SMG5: variants seen among roughly 807,000 people sequenced by gnomAD.
The protein encoded by SMG5 is nonsense-mediated mRNA decay factor SMG5.
SMG5 carries 53 observed loss-of-function variants against 122.9 expected under a neutral mutation model. That is an observed-to-expected ratio of 0.43 (90% CI 0.35 to 0.54). The LOEUF (loss-of-function observed/expected upper bound fraction) is 0.54. SMG5 is among the 20% of genes least tolerant of loss of function. The pLI, the probability that SMG5 is intolerant of heterozygous loss-of-function variation, is 0.01. For missense variants in SMG5, 1,153 were observed against 1,285.6 expected (o/e 0.90, Z 1.58); for synonymous variants, 477 against 490.2 (o/e 0.97, Z 0.35).
chr1:156,274,844 G>T (rs965953310), intron 4 of SMG5, among the ~76,000 whole-genome samples, 158 bp from the exon 5 acceptor site: 1 of 152,120 alleles, frequency 6.6e-6, no homozygotes, highest in African/African-American at 2.4e-5. Context: ...CACAGGGAGA[G>T]ACACAGAGGA....
Position 156,253,450 on chromosome 1 carries a change from T to C in SMG5, c.2501A>G (p.Gln834Arg), listed in dbSNP as rs746341684. 6.2e-7 allele frequency: 1 copy of C among 1,614,044 alleles called. No homozygotes were observed. Among genetic ancestry groups the C allele is most frequent in the Non-Finnish European group, 8.5e-7 (1 of 1,179,976 alleles). Residue 834 changes from glutamine (Q) to arginine (R), a missense_variant and splice_region_variant, in exon 17 of 22, where the codon CAG becomes CGG. Gln to Arg is a conservative substitution (Grantham distance 43, BLOSUM62 1). This residue lies in a region of SMG5 where 140 missense variants were observed against 227.8 expected (regional missense o/e 0.61). Coordinates refer to ENST00000361813, the MANE Select transcript of SMG5 (RefSeq NM_015327.3). ...AGCACTTGGGTCCTGATTTCCTACC[T>C]GAAGTCGTAGCTGAGCCATGTCTCT... ...LMRDMAQLRL[Q>R]LEVSQLEGSL...
At chr1:156,285,219 G>T (rs376637515), upstream of SMG5, 8 of 1,524,242 alleles carry the variant, frequency 5.2e-6, no homozygotes, top group Non-Finnish European at 6.1e-6. Context: ...CAGAACTGAG[G>T]CCCCAGGATG....
rs1306117760 is a variant in SMG5, at chr1:156,266,599, C to A, written c.1197G>T (p.Leu399=). 6.2e-7 allele frequency: 1 copy of A among 1,614,044 alleles called. No homozygotes were observed. The highest frequency in any genetic ancestry group is 8.5e-7 in the Non-Finnish European group (1 of 1,180,044). ...SHLVNHVNIR[L]QAELEEGENP... ...TCTCGCCCTCTTCCAGCTCAGCCTG[C>A]AGCCGTATGTTGACATGATTGACGA... The change falls in exon 11 of 22, where the codon CTG becomes CTT. Residue 399 remains leucine (L), a synonymous_variant. Coordinates refer to ENST00000361813, the MANE Select transcript of SMG5 (RefSeq NM_015327.3).
At chr1:156,281,759 C>T (rs972109802) in intron 1 of SMG5, among the ~76,000 whole-genome samples, 1 of 152,206 alleles carries the variant, frequency 6.6e-6, no homozygotes, top group African/African-American at 2.4e-5. Context: ...CCTATTTTGA[C>T]CCAGTTGCGG....
intron 20 of SMG5, 187 bp downstream of exon 20, chr1:156,251,216 C>T: frequency 1.1e-6 from 1 of 906,542 alleles, no homozygotes; most frequent in East Asian, 2.4e-5. Flanking sequence ...GCTGACCCAT[C>T]TGCAGAGGAA....
intron 17 of SMG5, 135 bp downstream of exon 17, chr1:156,253,314 G>C: frequency 1.0e-6 from 1 of 982,052 alleles, no homozygotes; most frequent in Non-Finnish European, 1.6e-6. Flanking sequence ...TAGTAAGGAG[G>C]GTCATCTGGG....
chr1:156,276,000 G>C (rs1662666838), intron 4 of SMG5, among the ~76,000 whole-genome samples: 1 of 151,362 alleles, frequency 6.6e-6, no homozygotes, highest in Admixed American at 6.6e-5. Context: ...TTGTAGAGAT[G>C]ATGTAGGATC....
intron 10 of SMG5, 57 bp downstream of exon 10, chr1:156,267,413 G>C: frequency 6.5e-7 from 1 of 1,534,426 alleles, no homozygotes; most frequent in Non-Finnish European, 9.0e-7. Context: ...TGCAGAAAAG[G>C]GGAGTGAGGA....
chr1:156,266,743 C>A, intron 10 of SMG5, 65 bp from the exon 11 acceptor site: 1 of 1,560,434 alleles, frequency 6.4e-7, no homozygotes, highest in South Asian at 1.1e-5. Context: ...ACCATCAATT[C>A]CAACCACATC....
At position 156,265,979 on chromosome 1, in the gene SMG5, T is replaced by C. The variant is rs756856421; in HGVS notation, c.1657A>G (p.Asn553Asp). The C allele has an allele frequency of 1.7e-5, 27 of 1,614,064 alleles. No individual in the cohort carries two copies. Among genetic ancestry groups the C allele is most frequent in the Non-Finnish European group, 2.1e-5 (25 of 1,180,044 alleles). ...RGRSEAPDSL[N>D]GPLGPSEASI... ...GCCTCACTGGGGCCCAGTGGGCCAT[T>C]GAGGGAATCGGGAGCCTCTGATCTG... Residue 553 changes from asparagine (N) to aspartate (D), a missense_variant, in exon 12 of 22, where the codon AAT becomes GAT. Asn to Asp is a conservative substitution (Grantham distance 23). This residue lies in a region of SMG5 where 631 missense variants were observed against 650.6 expected (regional missense o/e 0.97). Transcript: ENST00000361813.
intron 15 of SMG5, 144 bp from the exon 16 acceptor site, chr1:156,259,307 G>T: frequency 1.2e-6 from 1 of 851,726 alleles, no homozygotes; most frequent in Non-Finnish European, 1.7e-6. Flanking sequence ...AAGATTTGTG[G>T]TCTATGGGGT....
At chr1:156,268,559 T>C in intron 7 of SMG5, 144 bp from the exon 8 acceptor site, 1 of 1,013,566 alleles carries the variant, frequency 9.9e-7, no homozygotes, top group Non-Finnish European at 1.4e-6. Flanking sequence ...AAAAGGCTCA[T>C]GAGCTATCTT....
At chr1:156,263,722 C>T (rs1348719518) in intron 12 of SMG5, 152 bp from the exon 13 acceptor site, 3 of 744,014 alleles carry the variant, frequency 4.0e-6, no homozygotes, top group Non-Finnish European at 6.2e-6. Context: ...CACTTACAGG[C>T]CCTTATTCAA....
At chr1:156,286,949 C>G (rs1203810462), upstream of SMG5, among the ~76,000 whole-genome samples, 1 of 151,996 alleles carries the variant, frequency 6.6e-6, no homozygotes, top group Non-Finnish European at 1.5e-5. Flanking sequence ...ATGGTGAAAC[C>G]CTGTCTCTAC....
chr1:156,291,014 T>C, the SMG5 span: 1 of 229,146 alleles, frequency 4.4e-6, no homozygotes, highest in African/African-American at 2.3e-5. Context: ...GTGGCCCGCA[T>C]CTGTAATCCC....
rs1662594591 is a variant in SMG5, at chr1:156,274,624, G to A, written c.517C>T (p.Arg173Ter). The A allele has an allele frequency of 3.1e-6, 5 of 1,613,804 alleles. No homozygotes were observed. The highest frequency in any genetic ancestry group is 1.3e-5 in the African/African-American group (1 of 74,906). Residue 173 changes from arginine (R) to a stop codon, truncating the protein, a stop_gained, in exon 5 of 22, where the codon CGA (arginine) becomes TGA (stop). Transcript: ENST00000361813. LOFTEE classifies it high-confidence loss of function. Reference protein sequence around the residue: ...EMDWAQMACHRCLVYLGDLSR... With the variant: ...EMDWAQMACH ...AAATCCCCCAGATACACCAGACATC[G>A]GTGACATGCCATCTGTGCCCAATCC...
At chr1:156,283,902 T>C (rs1216498697), upstream of SMG5, among the ~76,000 whole-genome samples, 1 of 152,246 alleles carries the variant, frequency 6.6e-6, no homozygotes, top group Non-Finnish European at 1.5e-5. Flanking sequence ...GCTTCTTCAT[T>C]ATGTTACCCC....
upstream of SMG5, among the ~76,000 whole-genome samples, chr1:156,284,975 A>C (rs1235770225): frequency 6.6e-6 from 1 of 151,956 alleles, no homozygotes; most frequent in Non-Finnish European, 1.5e-5. Context: ...ACGGCATTTG[A>C]TGTCGAAAGG....
chr1:156,269,501 C>T (rs1026858657), intron 7 of SMG5, among the ~76,000 whole-genome samples: 3 of 152,056 alleles, frequency 2.0e-5, no homozygotes, highest in Non-Finnish European at 2.9e-5. Flanking sequence ...CTTTGGGAGG[C>T]TGAGGCGGGC....
Sources: gnomAD v4.1 joint callset for allele counts (sites outside exome capture counted in the v4.1 genomes callset) on GRCh38, gnomAD v4.1.1 for gene constraint, gnomAD v4.1.1 regional missense constraint, MANE v1.5 for transcripts, NCBI Gene and HGNC (gene_info 2026-07-23, HGNC 2026-07-21) for gene names.